Variants in FRMPD2 observed in about 807,000 individuals in gnomAD.
The protein encoded by FRMPD2 is FERM and PDZ domain-containing protein 2.
FRMPD2 carries 96 observed loss-of-function variants against 140.1 expected under a neutral mutation model. The observed-to-expected ratio is 0.69, with a 90% confidence interval of 0.58 to 0.81. The LOEUF (loss-of-function observed/expected upper bound fraction) is 0.81, where lower values mean the gene tolerates loss of function less well. Among genes scored for constraint, FRMPD2 ranks in the 40% least tolerant of loss-of-function variants. The probability of loss-of-function intolerance (pLI) is 0.00; values close to 1 mark genes in which losing one functional copy is unlikely to be tolerated. For missense variants in FRMPD2, 1,240 were observed against 1,447.4 expected (o/e 0.86, Z 2.32); for synonymous variants, 449 against 547.6 (o/e 0.82, Z 2.52).
chr10:48,208,275 G>T (rs1839246016), intron 13 of FRMPD2, among the ~76,000 whole-genome samples: 1 of 152,154 alleles, frequency 6.6e-6, no homozygotes, highest in Non-Finnish European at 1.5e-5. Flanking sequence ...ATTAATAAAA[G>T]TCATGCCTTT....
At chr10:48,208,741 T>C (rs1588830699) in intron 13 of FRMPD2, among the ~76,000 whole-genome samples, 1 of 152,302 alleles carries the variant, frequency 6.6e-6, no homozygotes, top group Non-Finnish European at 1.5e-5. Context: ...CCCTTTGCAT[T>C]GCTATTGCTG....
chr10:48,172,479 C>G (rs1838287254), intron 25 of FRMPD2, among the ~76,000 whole-genome samples: 1 of 152,138 alleles, frequency 6.6e-6, no homozygotes, highest in Non-Finnish European at 1.5e-5. Flanking sequence ...CAGTTTTGTC[C>G]CTCTAAACGA....
chr10:48,223,693 G>T (rs559563880), intron 10 of FRMPD2, among the ~76,000 whole-genome samples: 25 of 152,246 alleles, frequency 1.6e-4, no homozygotes, highest in African/African-American at 5.8e-4. Context: ...GTCCAAATAT[G>T]TGTGTCCTCC....
intron 15 of FRMPD2, among the ~76,000 whole-genome samples, chr10:48,197,478 G>A (rs12252490): frequency 0.044 from 6,719 of 152,230 alleles, 513 homozygotes; most frequent in African/African-American, 0.15. Context: ...GAGTCTACTG[G>A]ACTCCACAGG....
chr10:48,158,396 C>A (rs1215649567), intron 28 of FRMPD2, among the ~76,000 whole-genome samples: 2 of 151,042 alleles, frequency 1.3e-5, no homozygotes, highest in Non-Finnish European at 3.0e-5. Flanking sequence ...AAAGAGGCAC[C>A]AGAAGCCTGT....
intron 16 of FRMPD2, among the ~76,000 whole-genome samples, chr10:48,190,577 C>A (rs1411732334): frequency 6.6e-6 from 1 of 152,194 alleles, no homozygotes; most frequent in Non-Finnish European, 1.5e-5. Context: ...CGCACCCAAA[C>A]CAGTGTCTCA....
chr10:48,215,614 G>T (rs1182572746), intron 12 of FRMPD2, among the ~76,000 whole-genome samples: 1 of 152,160 alleles, frequency 6.6e-6, no homozygotes, highest in South Asian at 2.1e-4. Flanking sequence ...CTTTACATAC[G>T]TGAGAAAGGA....
intron 15 of FRMPD2, among the ~76,000 whole-genome samples, chr10:48,193,751 A>ATGTG (rs145258594): frequency 6.6e-6 from 1 of 151,108 alleles, no homozygotes; most frequent in Non-Finnish European, 1.5e-5. Flanking sequence ...CTGTGTGTGT[A>ATGTG]TGTGTGTGTG....
At chr10:48,223,387 G>T in intron 10 of FRMPD2, 117 bp from the exon 11 acceptor site, 1 of 983,456 alleles carries the variant, frequency 1.0e-6, no homozygotes, top group Non-Finnish European at 1.4e-6. Context: ...GAGTGCAGGA[G>T]TGGGAGGTAA....
intron 20 of FRMPD2, among the ~76,000 whole-genome samples, chr10:48,181,858 C>CATATATGTATATATATATATAT (rs1554792711): frequency 1.3e-5 from 1 of 79,784 alleles, no homozygotes; most frequent in Non-Finnish European, 2.7e-5. Context: ...TATATTCCCT[C>CATATATGTATATATATATATAT]ATATATATAT....
chr10:48,190,231 A>G (rs1327390148), intron 16 of FRMPD2, among the ~76,000 whole-genome samples: 1 of 152,162 alleles, frequency 6.6e-6, no homozygotes, highest in Non-Finnish European at 1.5e-5. Flanking sequence ...AGCTGAGCTG[A>G]CAGCATCCTG....
chr10:48,186,726 G>A (rs760603048), intron 17 of FRMPD2, among the ~76,000 whole-genome samples: 1 of 152,196 alleles, frequency 6.6e-6, no homozygotes, highest in Non-Finnish European at 1.5e-5. Flanking sequence ...CCAACCCTCA[G>A]GCTTAATGCT....
Position 48,192,708 on chromosome 10 carries a change from GC to G in FRMPD2, c.2140del (p.Ala714LeufsTer17). ...DNFNVDGSKE[A>X]GAEGIGRSPC... ...CCTGCGCCCGATGCCTTCTGCTCCAGCCTCCTTGCTGCCGTCCACGTTGAAG... is the reference window on the plus strand; with the variant it reads ...CCTGCGCCCGATGCCTTCTGCTCCAGCTCCTTGCTGCCGTCCACGTTGAAG... On this transcript the variant is annotated frameshift_variant, in exon 16 of 29. Transcript: ENST00000374201. LOFTEE classifies it high-confidence loss of function. The G allele has an allele frequency of 6.2e-7, 1 of 1,614,122 alleles. No individual in the cohort carries two copies. The highest frequency in any genetic ancestry group is 1.1e-5 in the South Asian group (1 of 91,070).
chr10:48,273,930 G>GT (rs1250856780), intron 1 of FRMPD2, among the ~76,000 whole-genome samples: 1 of 151,892 alleles, frequency 6.6e-6, no homozygotes, highest in Non-Finnish European at 1.5e-5. Flanking sequence ...CCTCAACTGA[G>GT]TTTTTTCTTT....
Position 48,262,102 on chromosome 10 carries a change from T to A in FRMPD2, c.26-10411A>T, listed in dbSNP as rs143218381. On this transcript the variant is annotated intron_variant, in intron 1 of 28. Coordinates refer to ENST00000374201, the MANE Select transcript of FRMPD2 (RefSeq NM_001018071.4). ...GTTATAAATATGGTGGCTATTAATC[T>A]AACAACATCAATAATCACTTTAAAT... Among the ~76,000 whole-genome samples, 19 of 152,220 alleles carry A rather than the reference T, an allele frequency of 1.2e-4. No homozygotes were observed. The East Asian group carries it at 3.5e-3, about 28-fold the overall frequency.
intron 3 of FRMPD2, among the ~76,000 whole-genome samples, chr10:48,246,546 G>A (rs72792250): frequency 0.091 from 13,860 of 152,326 alleles, 766 homozygotes; most frequent in South Asian, 0.12. Context: ...GGTACTGGCA[G>A]CACAGATGAC....
intron 22 of FRMPD2, among the ~76,000 whole-genome samples, chr10:48,176,755 A>C (rs1838419523): frequency 1.3e-5 from 2 of 152,086 alleles, no homozygotes; most frequent in South Asian, 4.1e-4. Context: ...CCCCAAGCCA[A>C]GAATAAATGG....
In FRMPD2 at chr10:48,157,365, G is replaced by A; in HGVS notation, c.3887C>T (p.Ser1296Phe). The A allele has an allele frequency of 1.3e-6, 1 of 786,104 alleles. No individual in the cohort carries two copies. The highest frequency in any genetic ancestry group is 1.7e-5 in the Admixed American group (1 of 57,478). 48.7% of individuals were successfully genotyped at this position (786,104 alleles called of 1,614,324 possible). Residue 1296 changes from serine (S) to phenylalanine (F), a missense_variant, in exon 29 of 29, where the codon TCC becomes TTC. By Grantham distance (155) the Ser-to-Phe change is radical. Coordinates refer to ENST00000374201, the MANE Select transcript of FRMPD2 (RefSeq NM_001018071.4). ...VCDIMRLGRY[S>F]FSSPLTRLST... ...AAGTCTGGTTAGAGGAGATGAGAAG[G>A]AATATCTAAGAGAAAAGCACAAAGA...
At chr10:48,178,299 A>G (rs1208429450) in intron 21 of FRMPD2, 148 bp from the exon 22 acceptor site, 1 of 597,762 alleles carries the variant, frequency 1.7e-6, no homozygotes, top group African/African-American at 1.9e-5. Context: ...TTCCAGCTTT[A>G]TCAGGCCTTC....
Sources: allele counts gnomAD v4.1 joint callset (sites outside exome capture counted in the v4.1 genomes callset), GRCh38; gene constraint gnomAD v4.1.1; transcripts MANE v1.5; gene names NCBI Gene and HGNC (gene_info 2026-07-23, HGNC 2026-07-21).